Variants in VPS8 observed in about 807,000 individuals in gnomAD.
VPS8 encodes VPS8 subunit of CORVET complex.
In VPS8, 129 loss-of-function variants were observed where a neutral mutation model predicts 216.4. The ratio of observed to expected loss-of-function variants is 0.60; its 90% CI spans 0.52 to 0.69. The LOEUF (loss-of-function observed/expected upper bound fraction) is 0.69, where lower values mean the gene tolerates loss of function less well. Ranked by LOEUF, VPS8 falls within the 30% of genes least tolerant of loss-of-function variation. The pLI, the probability that VPS8 is intolerant of heterozygous loss-of-function variation, is 0.00. For synonymous variants in VPS8, 571 were observed against 565.4 expected (o/e 1.01, Z -0.14); for missense variants, 1,531 against 1,683.5 (o/e 0.91, Z 1.59).
chr3:184,945,891 G>C (rs1743599681), intron 36 of VPS8, among the ~76,000 whole-genome samples: 1 of 152,198 alleles, frequency 6.6e-6, no homozygotes, highest in Non-Finnish European at 1.5e-5. Context: ...ACTGCTGACT[G>C]GTTGGAGATG....
chr3:184,861,188 G>A lies in VPS8; in HGVS notation c.1224+1123G>A, dbSNP rs112704850. 4.9e-3 allele frequency among the ~76,000 whole-genome samples: 739 copies of A among 152,128 alleles called. 3 individuals are homozygous for A. Among genetic ancestry groups the A allele is most frequent in the Non-Finnish European group, 8.7e-3 (591 of 67,986 alleles). On this transcript the variant is annotated intron_variant, in intron 15 of 47. Coordinates refer to ENST00000625842, the MANE Select transcript of VPS8 (RefSeq NM_001009921.3). ...TTATTTTTTCTCTCTCAAATGGTTC[G>A]TTAATTTTGAGAACAATGTAATTAT... is the stretch of plus-strand genomic sequence containing the variant.
At chr3:184,924,312 TAC>T in intron 29 of VPS8, among the ~76,000 whole-genome samples, 1 of 152,304 alleles carries the variant, frequency 6.6e-6, no homozygotes. Context: ...TATTTAATTG[TAC>T]AAGACCAGCC....
At chr3:184,910,032 T>C (rs1461093939) in intron 25 of VPS8, among the ~76,000 whole-genome samples, 2 of 152,118 alleles carry the variant, frequency 1.3e-5, no homozygotes, top group Non-Finnish European at 2.9e-5. Context: ...CTGCTTTGAT[T>C]CTGATCCACA....
rs776602193 is a variant in VPS8 at position 184,946,841 on chromosome 3, T to C, written c.3035+6598T>C. 6.2e-4 allele frequency among the ~76,000 whole-genome samples: 94 copies of C among 151,874 alleles called. 1 individual carries two copies. The highest frequency in any genetic ancestry group is 8.7e-4 in the Non-Finnish European group (59 of 68,000). On this transcript the variant is annotated intron_variant, in intron 36 of 47. Transcript: ENST00000625842. ...TAAAGTCATTTTAGGGAAAAAAACT[T>C]TTTTTTCCTTTTCAGTTCTTAGTTT...
chr3:184,951,153 C>A (rs1003158372), intron 36 of VPS8, among the ~76,000 whole-genome samples: 2 of 152,122 alleles, frequency 1.3e-5, no homozygotes, highest in African/African-American at 4.8e-5. Flanking sequence ...CTGTCTTCCA[C>A]AATGGCTGAA....
intron 1 of VPS8, among the ~76,000 whole-genome samples, chr3:184,822,713 CTT>C (rs1313649199): frequency 2.0e-5 from 3 of 152,096 alleles, no homozygotes; most frequent in Admixed American, 6.5e-5. Context: ...AGTTGAAAGA[CTT>C]TATTAAAAAG....
At chr3:184,960,254 T>C (rs1296203491) in intron 37 of VPS8, among the ~76,000 whole-genome samples, 1 of 152,172 alleles carries the variant, frequency 6.6e-6, no homozygotes, top group African/African-American at 2.4e-5. Context: ...GACATTTGGG[T>C]TGGTTCCAAG....
chr3:184,982,648 G>A lies in VPS8; in HGVS notation c.3502+1G>A. 1 of 1,607,964 alleles carries A rather than the reference G, an allele frequency of 6.2e-7. No individual in the cohort carries two copies. The highest frequency in any genetic ancestry group is 8.5e-7 in the Non-Finnish European group (1 of 1,177,432). Reference sequence around the variant, plus strand: ...GCCATTCCTCATCTACACTCTGAAGGTAAGTTCTTCAGAATTCAAGTGACT... The same window carrying A: ...GCCATTCCTCATCTACACTCTGAAGATAAGTTCTTCAGAATTCAAGTGACT... On this transcript the variant is annotated splice_donor_variant, in intron 41 of 47. Transcript: ENST00000625842. LOFTEE classifies it high-confidence loss of function.
intron 5 of VPS8, among the ~76,000 whole-genome samples, chr3:184,837,402 G>A (rs1424846891): frequency 6.6e-6 from 1 of 151,908 alleles, no homozygotes; most frequent in Non-Finnish European, 1.5e-5. Context: ...ACAACATTAA[G>A]TGAGGTCTTA....
chr3:184,887,296 A>G (rs1267857597), intron 22 of VPS8, among the ~76,000 whole-genome samples: 1 of 152,194 alleles, frequency 6.6e-6, no homozygotes, highest in Non-Finnish European at 1.5e-5. Context: ...GCAGCAAGCC[A>G]TGATTGCACC....
chr3:184,888,617 G>A (rs1299547476), intron 22 of VPS8, among the ~76,000 whole-genome samples: 4 of 152,150 alleles, frequency 2.6e-5, no homozygotes, highest in African/African-American at 4.8e-5. Flanking sequence ...CATAAATACA[G>A]TGTAAAGAGA....
chr3:184,827,923 A>G (rs551660979), intron 3 of VPS8, among the ~76,000 whole-genome samples: 1 of 152,168 alleles, frequency 6.6e-6, no homozygotes, highest in Non-Finnish European at 1.5e-5. Context: ...AAGTGGAAGA[A>G]AACATAGTTC....
intron 34 of VPS8, among the ~76,000 whole-genome samples, chr3:184,932,465 A>G (rs916799313): frequency 1.6e-4 from 24 of 152,220 alleles, no homozygotes; most frequent in Admixed American, 1.4e-3. Flanking sequence ...AAAAAAGTAC[A>G]TAAAACAAAT....
chr3:185,021,608 A>G (rs1333911334), intron 45 of VPS8, among the ~76,000 whole-genome samples: 2 of 152,238 alleles, frequency 1.3e-5, no homozygotes, highest in African/African-American at 2.4e-5. Context: ...ATTCCAGCGT[A>G]TTAATGTCAT....
intron 5 of VPS8, among the ~76,000 whole-genome samples, 171 bp from the exon 6 acceptor site, chr3:184,838,543 T>G (rs60410577): frequency 0.014 from 2,090 of 152,266 alleles, 40 homozygotes; most frequent in African/African-American, 0.042. Flanking sequence ...CCCTTTGTAT[T>G]TTGTTGAGAT....
At chr3:184,885,229 G>C (rs936598303) in intron 21 of VPS8, among the ~76,000 whole-genome samples, 1 of 152,054 alleles carries the variant, frequency 6.6e-6, no homozygotes, top group Non-Finnish European at 1.5e-5. Context: ...TTCACGTAGT[G>C]CCTTCTCCCT....
At chr3:184,894,531 T>TATATATATATAC (rs1186136967) in intron 22 of VPS8, among the ~76,000 whole-genome samples, 172 bp from the exon 23 acceptor site, 231 of 98,946 alleles carry the variant, frequency 2.3e-3, no homozygotes, top group African/African-American at 5.6e-3. Context: ...TATATATATA[T>TATATATATATAC]ACACACACAC....
chr3:184,824,904 A>ATT, intron 2 of VPS8, 119 bp downstream of exon 2: 1 of 918,016 alleles, frequency 1.1e-6, no homozygotes, highest in Non-Finnish European at 1.6e-6. Flanking sequence ...GTCTGTGTAT[A>ATT]ATTTTTTTTT....
chr3:184,986,560 C>T (rs907854971), intron 42 of VPS8, among the ~76,000 whole-genome samples: 29 of 152,110 alleles, frequency 1.9e-4, no homozygotes, highest in African/African-American at 6.5e-4. Context: ...AGCCATCAGA[C>T]GCACTCACTT....
Sources: allele counts gnomAD v4.1 joint callset (sites outside exome capture counted in the v4.1 genomes callset), GRCh38; gene constraint gnomAD v4.1.1; transcripts MANE v1.5; gene names NCBI Gene and HGNC (gene_info 2026-07-23, HGNC 2026-07-21).